SLC4A4: variants seen among roughly 807,000 people sequenced by gnomAD.
SLC4A4 encodes the protein electrogenic sodium bicarbonate cotransporter 1.
A neutral mutation model predicts 111.5 loss-of-function variants in SLC4A4; 27 were observed. That is an observed-to-expected ratio of 0.24 (90% CI 0.18 to 0.33). The LOEUF is 0.33. SLC4A4 is among the 10% of genes least tolerant of loss of function. The probability of loss-of-function intolerance (pLI) is 1.00; values close to 1 mark genes in which losing one functional copy is unlikely to be tolerated. For synonymous variants in SLC4A4, 443 were observed against 463.4 expected (o/e 0.96, Z 0.57); for missense variants, 909 against 1,315.5 (o/e 0.69, Z 4.78).
At chr4:71,513,440 G>T (rs1560576583) in intron 16 of SLC4A4, among the ~76,000 whole-genome samples, 1 of 151,940 alleles carries the variant, frequency 6.6e-6, no homozygotes, top group Non-Finnish European at 1.5e-5. Flanking sequence ...CTAGATCTTG[G>T]TGTATAGAAA....
intron 18 of SLC4A4, among the ~76,000 whole-genome samples, chr4:71,539,185 A>G (rs1260227727): frequency 6.6e-6 from 1 of 152,066 alleles, no homozygotes; most frequent in African/African-American, 2.4e-5. Context: ...TTCTACTCTC[A>G]TAATCCTATA....
chr4:71,402,353 T>C (rs1376745025), intron 7 of SLC4A4, among the ~76,000 whole-genome samples: 2 of 152,118 alleles, frequency 1.3e-5, no homozygotes, highest in Non-Finnish European at 2.9e-5. Flanking sequence ...GAACATAGAT[T>C]TCCATCCCAG....
intron 2 of SLC4A4, among the ~76,000 whole-genome samples, chr4:71,252,669 C>T (rs964817878): frequency 4.6e-5 from 7 of 152,102 alleles, no homozygotes; most frequent in African/African-American, 1.7e-4. Flanking sequence ...CATATGAGTA[C>T]TAGAGAATGG....
intron 2 of SLC4A4, among the ~76,000 whole-genome samples, chr4:71,123,994 A>G (rs947702218): frequency 6.6e-6 from 1 of 152,172 alleles, no homozygotes. Flanking sequence ...TAGGATTTTA[A>G]TTAGGCAGCT....
At chr4:71,168,468 C>T (rs888105614) in intron 2 of SLC4A4, among the ~76,000 whole-genome samples, 1 of 152,076 alleles carries the variant, frequency 6.6e-6, no homozygotes, top group Non-Finnish European at 1.5e-5. Context: ...CAGGCGTGAG[C>T]CACTGCTTCT....
intron 8 of SLC4A4, among the ~76,000 whole-genome samples, chr4:71,443,124 A>C (rs71601764): frequency 0.11 from 9,433 of 86,110 alleles, 323 homozygotes; most frequent in East Asian, 0.21. Flanking sequence ...CTCTATATAT[A>C]TATATATATA....
intron 3 of SLC4A4, among the ~76,000 whole-genome samples, chr4:71,303,364 C>G (rs1340251361): frequency 6.6e-6 from 1 of 152,194 alleles, no homozygotes; most frequent in African/African-American, 2.4e-5. Context: ...ATCAGTATGC[C>G]TATTAGCATT....
At chr4:71,378,295 C>T (rs1732608234) in intron 6 of SLC4A4, among the ~76,000 whole-genome samples, 1 of 152,170 alleles carries the variant, frequency 6.6e-6, no homozygotes, top group South Asian at 2.1e-4. Context: ...GGAATTATAA[C>T]TTGACTTTGG....
chr4:71,283,972 G>A (rs1723720159), intron 3 of SLC4A4, among the ~76,000 whole-genome samples: 1 of 152,118 alleles, frequency 6.6e-6, no homozygotes, highest in African/African-American at 2.4e-5. Context: ...TCAGCTTTCA[G>A]GAATAAAGTC....
chr4:71,526,349 G>C (rs892195001), intron 16 of SLC4A4, among the ~76,000 whole-genome samples: 2 of 152,080 alleles, frequency 1.3e-5, no homozygotes, highest in Non-Finnish European at 2.9e-5. Context: ...GGAAATAGAA[G>C]TTTGTATGTT....
Position 71,236,669 on chromosome 4 carries a change from G to C in SLC4A4, c.73+20G>C. 6.3e-7 allele frequency: 1 copy of C among 1,597,842 alleles called. No homozygotes were observed. The highest frequency in any genetic ancestry group is 1.1e-5 in the South Asian group (1 of 90,642). The stretch of plus-strand genomic sequence containing the variant: ...TAGAAGGTGAGCTTTATGGGTCTGG[G>C]AAAGTGTCTGTTGACATACATATGT... On this transcript the variant is annotated intron_variant, in intron 2 of 25. Coordinates refer to ENST00000264485, the MANE Select transcript of SLC4A4 (RefSeq NM_001098484.3).
intron 7 of SLC4A4, among the ~76,000 whole-genome samples, chr4:71,410,966 GCTGACAAAGCA>G (rs1478162091): frequency 1.3e-5 from 2 of 152,116 alleles, no homozygotes; most frequent in East Asian, 3.9e-4. Context: ...ACCATAGAAA[GCTGACAAAGCA>G]CTGTGGGCAT....
chr4:71,267,795 A>AAAAAAAAAAAAG (rs1240265053), intron 3 of SLC4A4, among the ~76,000 whole-genome samples: 5,721 of 26,420 alleles, frequency 0.22, 471 homozygotes, highest in Non-Finnish European at 0.49. Flanking sequence ...GTCTGCCAAA[A>AAAAAAAAAAAAG]AAAAAAAAAA....
At chr4:71,400,009 C>G (rs747226192) in intron 7 of SLC4A4, among the ~76,000 whole-genome samples, 8 of 152,174 alleles carry the variant, frequency 5.3e-5, no homozygotes, top group African/African-American at 1.9e-4. Flanking sequence ...AAATTTATTT[C>G]GCACATTTTG....
chr4:71,183,576 A>G (rs1285085412), upstream of SLC4A4, among the ~76,000 whole-genome samples: 2 of 152,368 alleles, frequency 1.3e-5, no homozygotes, highest in Non-Finnish European at 1.5e-5. Context: ...CCTATTATCT[A>G]TCGATCTATA....
intron 2 of SLC4A4, among the ~76,000 whole-genome samples, chr4:71,095,565 G>T (rs1252142276): frequency 6.6e-6 from 1 of 152,154 alleles, no homozygotes; most frequent in Non-Finnish European, 1.5e-5. Context: ...GCCTGCATAG[G>T]TTCTGTTTAG....
chr4:71,445,206 ATGTC>A (rs980436101), intron 8 of SLC4A4, among the ~76,000 whole-genome samples: 2 of 152,112 alleles, frequency 1.3e-5, no homozygotes, highest in African/African-American at 4.8e-5. Context: ...TTTATAGAAA[ATGTC>A]TGTCCTCGTC....
chr4:71,273,802 G>A (rs1260411868), intron 3 of SLC4A4, among the ~76,000 whole-genome samples: 1 of 151,884 alleles, frequency 6.6e-6, no homozygotes, highest in African/African-American at 2.4e-5. Context: ...AGATTGACCT[G>A]GTTCAGATGC....
At chr4:71,264,487 G>A (rs1002944777) in intron 3 of SLC4A4, among the ~76,000 whole-genome samples, 1 of 152,048 alleles carries the variant, frequency 6.6e-6, no homozygotes, top group African/African-American at 2.4e-5. Context: ...TATGACTTCT[G>A]GATGCAAATG....
Sources: allele counts gnomAD v4.1 joint callset (sites outside exome capture counted in the v4.1 genomes callset), GRCh38; gene constraint gnomAD v4.1.1; transcripts MANE v1.5; gene names NCBI Gene and HGNC (gene_info 2026-07-23, HGNC 2026-07-21).